Variants in ADAMTS2 observed in about 807,000 individuals in gnomAD.
ADAMTS2 encodes ADAM metallopeptidase with thrombospondin type 1 motif 2.
A neutral mutation model predicts 123.0 loss-of-function variants in ADAMTS2; 50 were observed. That is an observed-to-expected ratio of 0.41 (90% CI 0.32 to 0.51). The LOEUF (loss-of-function observed/expected upper bound fraction) is 0.51, where lower values mean the gene tolerates loss of function less well. ADAMTS2 is among the 20% of genes least tolerant of loss of function. ADAMTS2 has a pLI of 0.35. For missense variants in ADAMTS2, 1,494 were observed against 1,705.2 expected (o/e 0.88, Z 2.18); for synonymous variants, 678 against 695.4 (o/e 0.98, Z 0.39).
intron 2 of ADAMTS2, among the ~76,000 whole-genome samples, chr5:179,279,412 T>G (rs917001144): frequency 1.9e-4 from 29 of 152,184 alleles, no homozygotes; most frequent in African/African-American, 6.8e-4. Context: ...CTGAAAGTAT[T>G]CTAACTCCAA....
intron 2 of ADAMTS2, chr5:179,341,467 G>A (rs142165776): frequency 0.011 from 2,294 of 209,218 alleles, 19 homozygotes; most frequent in Non-Finnish European, 0.017. Context: ...TTAGGAGGCC[G>A]AGGCAGGCAG....
At chr5:179,147,812 G>C (rs1468057310) in intron 10 of ADAMTS2, among the ~76,000 whole-genome samples, 1 of 152,200 alleles carries the variant, frequency 6.6e-6, no homozygotes, top group Non-Finnish European at 1.5e-5. Flanking sequence ...AGGAGGGGAA[G>C]TGTATCAGTG....
chr5:179,292,211 G>A (rs961054158), intron 2 of ADAMTS2, among the ~76,000 whole-genome samples: 1 of 151,890 alleles, frequency 6.6e-6, no homozygotes, highest in Non-Finnish European at 1.5e-5. Context: ...GCGGAGTCAG[G>A]AGAAATGCCA....
rs1333711938 is a variant in ADAMTS2 at position 179,119,333 on chromosome 5, C to T, written c.3178+2328G>A. Among the ~76,000 whole-genome samples the T allele has an allele frequency of 2.0e-5, 3 of 152,360 alleles. No homozygotes were observed. In the East Asian group the frequency reaches 5.8e-4, roughly 29 times the overall value. On this transcript the variant is annotated intron_variant, in intron 21 of 21. Coordinates refer to ENST00000251582, the MANE Select transcript of ADAMTS2 (RefSeq NM_014244.5). ...CTAGCCCCCGGGCCCGGCCCTATGC[C>T]CAAGGCCTGTCCCCATGACACTGGG... is the stretch of plus-strand genomic sequence containing the variant.
intron 3 of ADAMTS2, among the ~76,000 whole-genome samples, chr5:179,249,306 G>A (rs997399600): frequency 6.6e-5 from 10 of 151,870 alleles, no homozygotes; most frequent in Admixed American, 2.0e-4. Flanking sequence ...AAATAATAAA[G>A]ATCTCAAATC....
chr5:179,269,234 C>T (rs1766459740), intron 3 of ADAMTS2, among the ~76,000 whole-genome samples: 1 of 152,188 alleles, frequency 6.6e-6, no homozygotes, highest in Non-Finnish European at 1.5e-5. Flanking sequence ...CAGCCCTGTC[C>T]ACCCTTGATC....
At chr5:179,121,522 G>GA in intron 21 of ADAMTS2, 139 bp downstream of exon 21, 2 of 617,748 alleles carry the variant, frequency 3.2e-6, no homozygotes, top group Non-Finnish European at 2.6e-6. Context: ...AGGCCCGGGA[G>GA]AAAACGGTCA....
At chr5:179,283,465 A>G (rs1209011267) in intron 2 of ADAMTS2, among the ~76,000 whole-genome samples, 2 of 150,132 alleles carry the variant, frequency 1.3e-5, no homozygotes, top group Non-Finnish European at 3.0e-5. Context: ...AAAATTAGAA[A>G]AGTCACAACT....
intron 13 of ADAMTS2, 136 bp downstream of exon 13, chr5:179,135,773 T>A: frequency 3.0e-6 from 4 of 1,345,388 alleles, no homozygotes; most frequent in Non-Finnish European, 4.1e-6. Context: ...GAGCCTGCCC[T>A]GGTCCGGGCA....
Position 179,124,904 on chromosome 5 carries a change from G to A in ADAMTS2, c.2958+69C>T, listed in dbSNP as rs1017039939. 1.1e-5 allele frequency: 17 copies of A among 1,595,856 alleles called. No homozygotes were observed. The South Asian group carries it at 1.1e-4, about 10-fold the overall frequency. ...TGTGTAGCGGCTGAATGCAGCGCAC[G>A]GAGCGCACCTGCATGCCTGTCCACC... On this transcript the variant is annotated intron_variant, in intron 19 of 21. Coordinates refer to ENST00000251582, the MANE Select transcript of ADAMTS2 (RefSeq NM_014244.5).
intron 3 of ADAMTS2, among the ~76,000 whole-genome samples, chr5:179,231,918 G>GA (rs796604633): frequency 0.04 from 3,857 of 97,246 alleles, 164 homozygotes; most frequent in African/African-American, 0.14. Flanking sequence ...CTGTCTCTAG[G>GA]AAAAAAAAAA....
intron 2 of ADAMTS2, among the ~76,000 whole-genome samples, chr5:179,304,741 T>C (rs1484502469): frequency 1.3e-5 from 2 of 152,164 alleles, no homozygotes; most frequent in Non-Finnish European, 2.9e-5. Flanking sequence ...AACAGTCATG[T>C]CCCAGAAGGA....
chr5:179,315,042 C>T (rs1390136147), intron 2 of ADAMTS2, among the ~76,000 whole-genome samples: 1 of 150,864 alleles, frequency 6.6e-6, no homozygotes, highest in African/African-American at 2.4e-5. Context: ...ACACCCACCC[C>T]CCCCACAATC....
chr5:179,132,954 G>GTCA lies in ADAMTS2; in HGVS notation c.2086-57_2086-55dup. 1 of 1,592,860 alleles carries GTCA rather than the reference G, an allele frequency of 6.3e-7. No homozygotes were observed. The highest frequency in any genetic ancestry group is 8.5e-7 in the Non-Finnish European group (1 of 1,170,674). ...GAGACGTCCTGCTAGTAGAGTCAGGGTCATACTATGTTGCCCCCAGTCTCG... is the reference window on the plus strand; with the variant it reads ...GAGACGTCCTGCTAGTAGAGTCAGGGTCATCATACTATGTTGCCCCCAGTCTCG... On this transcript the variant is annotated intron_variant, in intron 13 of 21. Transcript: ENST00000251582. The surrounding 1 kb of genome is among the most constrained non-coding windows in gnomAD (Gnocchi z 6.1).
Position 179,345,166 on chromosome 5 carries a change from G to A in ADAMTS2, c.139+24C>T, listed in dbSNP as rs1171363305. On this transcript the variant is annotated intron_variant, in intron 1 of 21. Transcript: ENST00000251582. This position sits in a 1 kb window ranked among gnomAD's most constrained non-coding sequence, Gnocchi z 7.5. ...GGGCCAGGCCGGCGGGGGTCCCGGGGAGTAGGGGCCGGGCCGCACCTACCT... is the reference window on the plus strand; with the variant it reads ...GGGCCAGGCCGGCGGGGGTCCCGGGAAGTAGGGGCCGGGCCGCACCTACCT... The A allele has an allele frequency of 9.2e-7, 1 of 1,092,468 alleles. No homozygotes were observed. The highest frequency in any genetic ancestry group is 1.1e-6 in the Non-Finnish European group (1 of 900,994). 67.7% of individuals were successfully genotyped at this position (1,092,468 alleles called of 1,614,324 possible). A position where few individuals can be genotyped will look rare whatever the true frequency, so the allele number is the denominator to read the frequency against.
intron 10 of ADAMTS2, 141 bp from the exon 11 acceptor site, chr5:179,140,176 G>A: frequency 8.0e-7 from 1 of 1,245,720 alleles, no homozygotes; most frequent in Non-Finnish European, 1.2e-6. Context: ...CTCGCCCCTA[G>A]ATGCTCAGAG....
chr5:179,223,800 G>A (rs1168074155), intron 3 of ADAMTS2, among the ~76,000 whole-genome samples: 1 of 151,412 alleles, frequency 6.6e-6, no homozygotes, highest in Non-Finnish European at 1.5e-5. Flanking sequence ...CATGTCACAC[G>A]TGTGTGCATA....
chr5:179,142,927 A>G (rs1407657438), intron 10 of ADAMTS2, among the ~76,000 whole-genome samples: 3 of 152,248 alleles, frequency 2.0e-5, no homozygotes, highest in Non-Finnish European at 4.4e-5. Flanking sequence ...AAGAAACAGG[A>G]AAGTGTGACC....
intron 3 of ADAMTS2, among the ~76,000 whole-genome samples, chr5:179,270,732 C>T (rs757700828): frequency 6.6e-6 from 1 of 152,218 alleles, no homozygotes; most frequent in African/African-American, 2.4e-5. Flanking sequence ...GCCTGGTGCC[C>T]TTCCAGTCAG....
Sources: allele counts gnomAD v4.1 joint callset (sites outside exome capture counted in the v4.1 genomes callset), GRCh38; gene constraint gnomAD v4.1.1; non-coding constraint Gnocchi (gnomAD v3.1); transcripts MANE v1.5; gene names NCBI Gene and HGNC (gene_info 2026-07-23, HGNC 2026-07-21).